Variants in GRM3 observed in about 807,000 individuals in gnomAD.
GRM3 encodes glutamate metabotropic receptor 3, also known as metabotropic glutamate receptor 3.
GRM3 carries 26 observed loss-of-function variants against 70.5 expected under a neutral mutation model. That is an observed-to-expected ratio of 0.37 (90% CI 0.27 to 0.51). The LOEUF (loss-of-function observed/expected upper bound fraction) is 0.51, where lower values mean the gene tolerates loss of function less well. Ranked by LOEUF, GRM3 falls within the 20% of genes least tolerant of loss-of-function variation. The pLI is 0.93. For synonymous variants in GRM3, 443 were observed against 434.9 expected, an observed-to-expected ratio of 1.02 and a Z score of -0.23; for missense variants, 859 against 1,123.8, an observed-to-expected ratio of 0.76 and a Z score of 3.37.
chr7:86,707,209 A>G (rs753341808), intron 1 of GRM3, among the ~76,000 whole-genome samples: 3 of 152,084 alleles, frequency 2.0e-5, no homozygotes, highest in Non-Finnish European at 4.4e-5. Context: ...TGACTGGTAC[A>G]CTCAGACAAC....
chr7:86,790,022 C>A (rs1797366317), intron 3 of GRM3, among the ~76,000 whole-genome samples: 1 of 152,140 alleles, frequency 6.6e-6, no homozygotes, highest in Non-Finnish European at 1.5e-5. Flanking sequence ...GTACACTCCA[C>A]ATTCACTCTT....
At chr7:86,709,111 T>G (rs768427816) in intron 1 of GRM3, among the ~76,000 whole-genome samples, 3 of 152,160 alleles carry the variant, frequency 2.0e-5, no homozygotes, top group Non-Finnish European at 4.4e-5. Context: ...CTATGTGCCC[T>G]TGTTTGAGTG....
intron 1 of GRM3, among the ~76,000 whole-genome samples, chr7:86,747,702 A>G (rs1282817579): frequency 6.6e-6 from 1 of 152,116 alleles, no homozygotes; most frequent in Non-Finnish European, 1.5e-5. Context: ...GTAAACATCC[A>G]AAATGGTTAA....
chr7:86,675,599 T>A lies in GRM3; in HGVS notation c.-141+30727T>A, dbSNP rs374878728. 2.6e-5 allele frequency among the ~76,000 whole-genome samples: 4 copies of A among 152,174 alleles called. No homozygotes were observed. In the South Asian group the frequency reaches 8.3e-4, roughly 32 times the overall value. ...GAGAGCTTGCAAATAGGGTTAGGAA[T>A]GAAGGTGAACTATTGAAAGCAATGC... On this transcript the variant is annotated intron_variant, in intron 1 of 5. Transcript: ENST00000361669.
At chr7:86,854,599 T>C (rs1798813565) in intron 5 of GRM3, among the ~76,000 whole-genome samples, 1 of 152,174 alleles carries the variant, frequency 6.6e-6, no homozygotes, top group East Asian at 1.9e-4. Flanking sequence ...GATATTTGTA[T>C]ATGAAAAATA....
At chr7:86,744,505 A>G (rs1433604248) in intron 1 of GRM3, among the ~76,000 whole-genome samples, 1 of 151,794 alleles carries the variant, frequency 6.6e-6, no homozygotes, top group Non-Finnish European at 1.5e-5. Context: ...CCACAGGAGC[A>G]TGAGGTTCCA....
At chr7:86,758,907 T>C (rs1382661359) in intron 1 of GRM3, among the ~76,000 whole-genome samples, 1 of 152,170 alleles carries the variant, frequency 6.6e-6, no homozygotes, top group Admixed American at 6.6e-5. Flanking sequence ...CTCTTCAACA[T>C]ACCCAGGGTT....
chr7:86,847,359 G>A (rs1584277806), intron 4 of GRM3, among the ~76,000 whole-genome samples: 2 of 152,234 alleles, frequency 1.3e-5, no homozygotes, highest in East Asian at 3.9e-4. Context: ...TTGCACACTG[G>A]GTGGCATTTG....
chr7:86,743,254 C>T (rs1054021368), intron 1 of GRM3, among the ~76,000 whole-genome samples: 1 of 152,088 alleles, frequency 6.6e-6, no homozygotes, highest in African/African-American at 2.4e-5. Flanking sequence ...AGATAATACT[C>T]TCTGATTTAA....
At chr7:86,851,354 A>AT (rs1798751610) in intron 5 of GRM3, among the ~76,000 whole-genome samples, 1 of 152,130 alleles carries the variant, frequency 6.6e-6, no homozygotes, top group Non-Finnish European at 1.5e-5. Context: ...TCCTTAGAGA[A>AT]TCATTGATTT....
At chr7:86,751,421 G>C (rs967851846) in intron 1 of GRM3, among the ~76,000 whole-genome samples, 1 of 152,046 alleles carries the variant, frequency 6.6e-6, no homozygotes, top group Non-Finnish European at 1.5e-5. Context: ...ACTGCTCCTT[G>C]TATCTTTAGA....
intron 1 of GRM3, among the ~76,000 whole-genome samples, chr7:86,721,570 T>TG (rs150031822): frequency 0.028 from 4,209 of 152,108 alleles, 75 homozygotes; most frequent in East Asian, 0.063. Flanking sequence ...AAGTTAAACA[T>TG]GAAAAAATAT....
At chr7:86,708,844 A>G (rs1423033451) in intron 1 of GRM3, among the ~76,000 whole-genome samples, 1 of 152,072 alleles carries the variant, frequency 6.6e-6, no homozygotes, top group Non-Finnish European at 1.5e-5. Flanking sequence ...AATATTGAGC[A>G]ACTAGGTTTT....
chr7:86,760,397 A>C (rs1195074846), intron 1 of GRM3, among the ~76,000 whole-genome samples: 2 of 152,132 alleles, frequency 1.3e-5, no homozygotes, highest in Admixed American at 1.3e-4. Flanking sequence ...AGGGCTACAC[A>C]TGCTTGTTTA....
intron 3 of GRM3, among the ~76,000 whole-genome samples, chr7:86,792,493 A>C (rs1460575109): frequency 6.6e-6 from 1 of 152,194 alleles, no homozygotes; most frequent in Non-Finnish European, 1.5e-5. Flanking sequence ...TGCAATTCTT[A>C]GGGTTAGGCT....
chr7:86,798,662 A>C (rs1275789630), intron 3 of GRM3, among the ~76,000 whole-genome samples: 4 of 152,114 alleles, frequency 2.6e-5, no homozygotes, highest in African/African-American at 9.7e-5. Flanking sequence ...ATGAGTTAAG[A>C]CTTTGGGGGA....
intron 1 of GRM3, among the ~76,000 whole-genome samples, chr7:86,677,524 T>C (rs1197621271): frequency 6.6e-6 from 1 of 152,042 alleles, no homozygotes; most frequent in African/African-American, 2.4e-5. Context: ...ACTGTGCTAT[T>C]AATTTGCTCT....
intron 3 of GRM3, among the ~76,000 whole-genome samples, chr7:86,802,578 C>T (rs1269194484): frequency 6.6e-6 from 1 of 151,102 alleles, no homozygotes. Context: ...ACTGTTATTT[C>T]TGAGAATCAA....
At chr7:86,705,798 G>T (rs1405829788) in intron 1 of GRM3, among the ~76,000 whole-genome samples, 1 of 152,030 alleles carries the variant, frequency 6.6e-6, no homozygotes, top group African/African-American at 2.4e-5. Context: ...GGACATAAAT[G>T]TTGCCTGATC....
Sources: gnomAD v4.1 joint callset for allele counts (sites outside exome capture counted in the v4.1 genomes callset) on GRCh38, gnomAD v4.1.1 for gene constraint, MANE v1.5 for transcripts, NCBI Gene and HGNC (gene_info 2026-07-23, HGNC 2026-07-21) for gene names.